The following BRSK2 variants were observed in gnomAD, a reference collection of about 807,000 sequenced individuals.
The protein encoded by BRSK2 is BR serine/threonine kinase 2.
BRSK2 carries 19 observed loss-of-function variants against 83.3 expected under a neutral mutation model. The observed-to-expected ratio is 0.23, with a 90% CI of 0.16 to 0.33. The LOEUF (loss-of-function observed/expected upper bound fraction) is 0.33. Among genes scored for constraint, BRSK2 ranks in the 10% least tolerant of loss-of-function variants. The pLI, the probability that BRSK2 is intolerant of heterozygous loss-of-function variation, is 1.00. For synonymous variants in BRSK2, 519 were observed against 435.4 expected (o/e 1.19, Z -2.39); for missense variants, 798 against 1,042.3 (o/e 0.77, Z 3.23).
rs1183483065 is a variant in BRSK2 at position 1,461,443 on chromosome 11, G to A, written c.*720G>A. ...CCCTTGCCTCATCTGGGGCGGCTGTGGGCTCTGGCGCTCCTCTCTGGCTGA... is the reference window on the plus strand; with the variant it reads ...CCCTTGCCTCATCTGGGGCGGCTGTAGGCTCTGGCGCTCCTCTCTGGCTGA... On this transcript the variant is annotated 3_prime_UTR_variant, in exon 20 of 20. Coordinates refer to ENST00000528841, the MANE Select transcript of BRSK2 (RefSeq NM_001256627.2). The A allele has an allele frequency of 4.4e-6, 1 of 228,006 alleles. No individual in the cohort carries two copies. The highest frequency in any genetic ancestry group is 6.0e-5 in the Admixed American group (1 of 16,728). The allele number at this position is 228,006 out of a possible 1,614,324, so 14.1% of individuals were successfully genotyped here. A position where few individuals can be genotyped will look rare whatever the true frequency, so the allele number is the denominator to read the frequency against.
intron 3 of BRSK2, among the ~76,000 whole-genome samples, chr11:1,439,242 C>T (rs557146170): frequency 9.4e-4 from 143 of 152,200 alleles, no homozygotes; most frequent in Admixed American, 2.1e-3. Context: ...CTCCCCTTCC[C>T]CCAGCAGCAA....
intron 1 of BRSK2, among the ~76,000 whole-genome samples, chr11:1,425,573 G>A (rs1052313254): frequency 1.3e-5 from 2 of 152,242 alleles, no homozygotes; most frequent in East Asian, 1.9e-4. Context: ...CCCTCAGGAC[G>A]TTTCCTCCGT....
Position 1,442,668 on chromosome 11 carries a change from C to T in BRSK2, c.530+62C>T, listed in dbSNP as rs1187467202. Reference sequence around the variant, plus strand: ...CAGGCTGGGCTGGGGGAAGAGGAGCCAGTGGACTGAGAGGCCCCCAGCCTG... The same window carrying T: ...CAGGCTGGGCTGGGGGAAGAGGAGCTAGTGGACTGAGAGGCCCCCAGCCTG... On this transcript the variant is annotated intron_variant, in intron 5 of 19. Transcript: ENST00000528841. 5 of 1,401,778 alleles carry T rather than the reference C, an allele frequency of 3.6e-6. No individual in the cohort carries two copies. In the African/African-American group the frequency reaches 5.7e-5, roughly 16 times the overall value. 86.8% of individuals were successfully genotyped at this position (1,401,778 alleles called of 1,614,324 possible).
intron 1 of BRSK2, among the ~76,000 whole-genome samples, chr11:1,400,135 T>TA (rs1163274858): frequency 6.6e-6 from 1 of 152,214 alleles, no homozygotes; most frequent in African/African-American, 2.4e-5. Context: ...ATTTTAACTT[T>TA]AAAAGAACAT....
rs1334479104 is a variant in BRSK2, at chr11:1,423,915, C to G, written c.92-12125C>G. Among the ~76,000 whole-genome samples the G allele has an allele frequency of 1.3e-5, 2 of 152,160 alleles. No homozygotes were observed. Among genetic ancestry groups the G allele is most frequent in the Non-Finnish European group, 2.9e-5 (2 of 68,026 alleles). On this transcript the variant is annotated intron_variant, in intron 1 of 19. Coordinates refer to ENST00000528841, the MANE Select transcript of BRSK2 (RefSeq NM_001256627.2). The surrounding 1 kb of genome is among the most constrained non-coding windows in gnomAD (Gnocchi z 6.5). Reference sequence around the variant, plus strand: ...TTGCTTTCACCCTCACGTGGCGCCCCCATCCCACCCCGTGTGTCCCCAGCC... The same window carrying G: ...TTGCTTTCACCCTCACGTGGCGCCCGCATCCCACCCCGTGTGTCCCCAGCC...
intron 12 of BRSK2, among the ~76,000 whole-genome samples, chr11:1,448,382 C>T (rs1852478271): frequency 6.6e-6 from 1 of 152,184 alleles, no homozygotes; most frequent in South Asian, 2.1e-4. Flanking sequence ...TCTTTGAGCC[C>T]TGGCCCCGTG....
chr11:1,445,253 G>C (rs138493380), intron 9 of BRSK2, 41 bp from the exon 10 acceptor site: 2 of 1,572,008 alleles, frequency 1.3e-6, no homozygotes, highest in Non-Finnish European at 1.7e-6. Context: ...GCCCAGGCCC[G>C]GCCGGAGCTG....
At chr11:1,452,961 G>A (rs1174958495) in intron 15 of BRSK2, among the ~76,000 whole-genome samples, 2 of 152,252 alleles carry the variant, frequency 1.3e-5, no homozygotes, top group East Asian at 3.8e-4. Context: ...GCTGGCTTCA[G>A]GAAGGGATGC....
At chr11:1,458,009 G>A (rs375169038) in intron 18 of BRSK2, among the ~76,000 whole-genome samples, 10 of 152,198 alleles carry the variant, frequency 6.6e-5, no homozygotes, top group Non-Finnish European at 1.3e-4. Flanking sequence ...AGGCCATGCC[G>A]TCGGCCGGCA....
chr11:1,433,943 C>A (rs1849928364), intron 1 of BRSK2, among the ~76,000 whole-genome samples: 1 of 152,238 alleles, frequency 6.6e-6, no homozygotes, highest in Admixed American at 6.5e-5. Flanking sequence ...CCGGCCTGGG[C>A]TCACCCAGAT....
Position 1,451,359 on chromosome 11 carries a change from C to G in BRSK2, c.1496-12C>G, listed in dbSNP as rs748651044. 1 of 1,612,924 alleles carries G rather than the reference C, an allele frequency of 6.2e-7. No individual in the cohort carries two copies. The highest frequency in any genetic ancestry group is 1.1e-5 in the South Asian group (1 of 91,084). On this transcript the variant is annotated splice_polypyrimidine_tract_variant and intron_variant, in intron 14 of 19. Coordinates refer to ENST00000528841, the MANE Select transcript of BRSK2 (RefSeq NM_001256627.2). ...CACCACGCCTTTCCTCCTGTTCATC[C>G]TGTGTGCACAGTTCCGACGCCGGAG...
chr11:1,444,197 A>G (rs543406692), intron 8 of BRSK2, among the ~76,000 whole-genome samples: 1 of 144,228 alleles, frequency 6.9e-6, no homozygotes, highest in Non-Finnish European at 1.6e-5. Context: ...TGCTGGGGCA[A>G]GCTCCAGGCA....
At chr11:1,449,078 G>C in intron 12 of BRSK2, among the ~76,000 whole-genome samples, 1 of 152,252 alleles carries the variant, frequency 6.6e-6, no homozygotes, top group East Asian at 1.9e-4. Context: ...CGTCCGTGCA[G>C]TGTGGTGGAA....
rs746469963 is a variant in BRSK2 at position 1,459,224 on chromosome 11, C to T, written c.1972C>T (p.Arg658Trp). ...TTNCMEMMTG[R>W]LSKCGSPLSN... ...TAACTGTATGGAAATGATGACGGGG[C>T]GGCTTTCCAAATGTGGTAAGAATCC... The change falls in exon 19 of 20, where the codon CGG becomes TGG. Residue 658 changes from arginine (R) to tryptophan (W), a missense_variant. Transcript: ENST00000528841. The T allele has an allele frequency of 1.1e-5, 17 of 1,613,690 alleles. No individual in the cohort carries two copies. Among genetic ancestry groups the T allele is most frequent in the East Asian group, 2.2e-5 (1 of 44,892 alleles).
intron 1 of BRSK2, among the ~76,000 whole-genome samples, chr11:1,400,237 T>C (rs1846387188): frequency 6.6e-6 from 1 of 152,144 alleles, no homozygotes; most frequent in Admixed American, 6.5e-5. Context: ...GGACTCAGTC[T>C]CCCGCCCCCT....
chr11:1,452,353 C>T (rs1435366957), intron 15 of BRSK2, among the ~76,000 whole-genome samples: 3 of 152,340 alleles, frequency 2.0e-5, no homozygotes, highest in South Asian at 2.1e-4. Flanking sequence ...TAGGTATTGT[C>T]GCAAGCCCAG....
intron 18 of BRSK2, 55 bp from the exon 19 acceptor site, chr11:1,459,137 G>A: frequency 6.3e-7 from 1 of 1,581,150 alleles, no homozygotes; most frequent in Non-Finnish European, 8.7e-7. Flanking sequence ...CAGCCAGAAG[G>A]CCCAGGACAG....
Position 1,390,140 on chromosome 11 carries a change from C to A in BRSK2, c.-145C>A. On this transcript the variant is annotated 5_prime_UTR_variant, in exon 1 of 20. Transcript: ENST00000528841. This position sits in a 1 kb window ranked among gnomAD's most constrained non-coding sequence, Gnocchi z 6.8. The stretch of plus-strand genomic sequence containing the variant: ...CGCGGGGGGCGGCGGCGCGGGCGGA[C>A]GCGGGCGGCGCGAAGCAGCGGGGCC... The A allele has an allele frequency of 4.9e-6, 1 of 204,200 alleles. No homozygotes were observed. The highest frequency in any genetic ancestry group is 8.4e-6 in the Non-Finnish European group (1 of 119,136). The allele number at this position is 204,200 out of a possible 1,614,324, so 12.6% of individuals were successfully genotyped here.
chr11:1,455,671 G>A (rs78652398), intron 16 of BRSK2, among the ~76,000 whole-genome samples: 1 of 152,038 alleles, frequency 6.6e-6, no homozygotes, highest in African/African-American at 2.4e-5. Flanking sequence ...CCCACAGGCT[G>A]CTCACTTCCT....
Sources: allele counts gnomAD v4.1 joint callset (sites outside exome capture counted in the v4.1 genomes callset), GRCh38; gene constraint gnomAD v4.1.1; non-coding constraint Gnocchi (gnomAD v3.1); transcripts MANE v1.5; gene names NCBI Gene and HGNC (gene_info 2026-07-23, HGNC 2026-07-21).